The following PDE1C variants were observed in gnomAD, a reference collection of about 807,000 sequenced individuals.
PDE1C encodes phosphodiesterase 1C.
In PDE1C, 62 loss-of-function variants were observed where a neutral mutation model predicts 93.1. The ratio of observed to expected loss-of-function variants is 0.67; its 90% CI spans 0.54 to 0.82. The LOEUF (loss-of-function observed/expected upper bound fraction) is 0.82, where lower values mean the gene tolerates loss of function less well. Among genes scored for constraint, PDE1C ranks in the 40% least tolerant of loss-of-function variants. The probability of loss-of-function intolerance (pLI) is 0.00; values close to 1 mark genes in which losing one functional copy is unlikely to be tolerated. For missense variants in PDE1C, 742 were observed against 884.6 expected, an observed-to-expected ratio of 0.84 and a Z score of 2.04; for synonymous variants, 325 against 310.1, an observed-to-expected ratio of 1.05 and a Z score of -0.50.
chr7:32,157,743 T>C (rs1482893397), intron 3 of PDE1C, among the ~76,000 whole-genome samples: 1 of 152,032 alleles, frequency 6.6e-6, no homozygotes, highest in East Asian at 1.9e-4. Context: ...GATTAAAAGA[T>C]TTGGGGGGAA....
At chr7:31,990,476 G>A (rs940031685) in intron 2 of PDE1C, among the ~76,000 whole-genome samples, 7 of 152,090 alleles carry the variant, frequency 4.6e-5, no homozygotes, top group African/African-American at 7.2e-5. Context: ...GTCTTTATGA[G>A]CAGCATGAGA....
chr7:32,051,098 C>T (rs1460872346), intron 2 of PDE1C, among the ~76,000 whole-genome samples: 3 of 152,194 alleles, frequency 2.0e-5, no homozygotes, highest in Non-Finnish European at 2.9e-5. Flanking sequence ...CGAAAGACTG[C>T]CACTGCCCTT....
At chr7:32,044,051 G>A (rs1792190813) in intron 2 of PDE1C, among the ~76,000 whole-genome samples, 1 of 152,154 alleles carries the variant, frequency 6.6e-6, no homozygotes, top group South Asian at 2.1e-4. Context: ...GATCTGTCAT[G>A]CCCAATGCTT....
At chr7:32,172,949 C>T (rs185633392) in intron 2 of PDE1C, among the ~76,000 whole-genome samples, 11 of 151,646 alleles carry the variant, frequency 7.3e-5, no homozygotes, top group South Asian at 2.1e-4. Context: ...GACGATGTGG[C>T]GATTCCTCAA....
At chr7:31,736,212 C>G in the PDE1C span, among the ~76,000 whole-genome samples, 1 of 152,192 alleles carries the variant, frequency 6.6e-6, no homozygotes, top group Admixed American at 6.5e-5. Context: ...CTTGTACCAG[C>G]AGGTACTCCC....
intron 17 of PDE1C, among the ~76,000 whole-genome samples, chr7:31,771,812 T>G (rs1417510133): frequency 6.6e-6 from 1 of 152,086 alleles, no homozygotes; most frequent in Non-Finnish European, 1.5e-5. Flanking sequence ...GATACTTGGT[T>G]TGGGAGGCCG....
the PDE1C span, chr7:31,652,081 T>G: frequency 6.9e-7 from 1 of 1,448,812 alleles, no homozygotes; most frequent in Non-Finnish European, 9.5e-7. Flanking sequence ...AGTTTGACTA[T>G]ATCCAGCCTA....
intron 16 of PDE1C, among the ~76,000 whole-genome samples, chr7:31,792,174 T>A (rs1562803456): frequency 6.6e-6 from 1 of 152,090 alleles, no homozygotes; most frequent in African/African-American, 2.4e-5. Flanking sequence ...CTTCTGTTTG[T>A]GAATTTCTTA....
chr7:31,662,488 TG>T, the PDE1C span, among the ~76,000 whole-genome samples: 3 of 152,152 alleles, frequency 2.0e-5, no homozygotes, highest in Non-Finnish European at 4.4e-5. Flanking sequence ...AATAAGATTT[TG>T]GAACCTGGGC....
intron 1 of PDE1C, among the ~76,000 whole-genome samples, chr7:32,281,151 A>G (rs1174086355): frequency 6.6e-6 from 1 of 152,216 alleles, no homozygotes; most frequent in Non-Finnish European, 1.5e-5. Context: ...TGAATTTTAG[A>G]TGAAGTAAGG....
intron 16 of PDE1C, among the ~76,000 whole-genome samples, chr7:31,796,851 CA>C (rs1010565532): frequency 1.3e-5 from 2 of 151,670 alleles, no homozygotes; most frequent in African/African-American, 4.8e-5. Context: ...GTATCTAAAT[CA>C]AAATGTTTAA....
At chr7:31,964,631 G>A (rs1809599935) in intron 2 of PDE1C, among the ~76,000 whole-genome samples, 1 of 152,242 alleles carries the variant, frequency 6.6e-6, no homozygotes, top group Admixed American at 6.5e-5. Flanking sequence ...CACGCAGCTG[G>A]AGATCTGAGA....
chr7:31,742,959 C>G, the PDE1C span, among the ~76,000 whole-genome samples: 1 of 152,296 alleles, frequency 6.6e-6, no homozygotes, highest in African/African-American at 2.4e-5. Flanking sequence ...CTCTTCAACT[C>G]TCTATCCAAA....
At chr7:31,822,972 C>A in intron 14 of PDE1C, 101 bp downstream of exon 14, 1 of 937,246 alleles carries the variant, frequency 1.1e-6, no homozygotes, top group South Asian at 2.0e-5. Flanking sequence ...CAATTTGAAT[C>A]TGCATCCTGA....
downstream of PDE1C, among the ~76,000 whole-genome samples, chr7:31,749,058 G>A (rs751303214): frequency 6.6e-6 from 1 of 152,110 alleles, no homozygotes; most frequent in Non-Finnish European, 1.5e-5. Context: ...CTTCTATCCT[G>A]CAGGGACAAG....
chr7:31,633,517 A>C, the PDE1C span, among the ~76,000 whole-genome samples: 1 of 152,188 alleles, frequency 6.6e-6, no homozygotes, highest in African/African-American at 2.4e-5. Context: ...AAAACATTGA[A>C]AATTAATTTT....
At chr7:32,229,299 T>C (rs1807517403) in intron 1 of PDE1C, among the ~76,000 whole-genome samples, 1 of 152,238 alleles carries the variant, frequency 6.6e-6, no homozygotes, top group South Asian at 2.1e-4. Flanking sequence ...ACAACTGTTG[T>C]GTACAGCCAG....
chr7:31,807,550 A>C (rs1388365939), intron 16 of PDE1C, among the ~76,000 whole-genome samples: 6 of 151,996 alleles, frequency 3.9e-5, no homozygotes, highest in African/African-American at 7.2e-5. Context: ...TTTGTACCAC[A>C]ATATACAAAT....
intron 1 of PDE1C, among the ~76,000 whole-genome samples, chr7:32,265,697 G>C (rs1194748175): frequency 6.6e-6 from 1 of 152,186 alleles, no homozygotes; most frequent in Non-Finnish European, 1.5e-5. Context: ...CTTGTTACTT[G>C]CAACCAAAAG....
Sources: allele counts gnomAD v4.1 joint callset (sites outside exome capture counted in the v4.1 genomes callset), GRCh38; gene constraint gnomAD v4.1.1; transcripts MANE v1.5; gene names NCBI Gene and HGNC (gene_info 2026-07-23, HGNC 2026-07-21).